Variants in PAWR observed in about 807,000 individuals in gnomAD.
PAWR encodes the protein pro-apoptotic WT1 regulator.
PAWR carries 23 observed loss-of-function variants against 32.0 expected under a neutral mutation model. The observed-to-expected ratio is 0.72, with a 90% confidence interval of 0.52 to 1.02. The LOEUF (loss-of-function observed/expected upper bound fraction) is 1.02. Ranked by LOEUF, PAWR falls within the 50% of genes least tolerant of loss-of-function variation. The probability of loss-of-function intolerance (pLI) is 0.00; values close to 1 mark genes in which losing one functional copy is unlikely to be tolerated. For synonymous variants in PAWR, 226 were observed against 187.1 expected (o/e 1.21, Z -1.70); for missense variants, 457 against 437.7 (o/e 1.04, Z -0.39).
intron 2 of PAWR, among the ~76,000 whole-genome samples, chr12:79,681,993 G>A (rs887151873): frequency 3.9e-5 from 6 of 152,116 alleles, no homozygotes; most frequent in African/African-American, 1.4e-4. Flanking sequence ...TATGTAACCT[G>A]CAAATTCTAA....
In PAWR at chr12:79,625,543, C is replaced by T. The variant is rs566768247; in HGVS notation, c.517-4336G>A. 5.9e-5 allele frequency among the ~76,000 whole-genome samples: 9 copies of T among 152,214 alleles called. No homozygotes were observed. In the South Asian group the frequency reaches 1.2e-3, roughly 21 times the overall value. On this transcript the variant is annotated intron_variant, in intron 2 of 6. Transcript: ENST00000328827. Reference sequence around the variant, plus strand: ...AAAATTTAAAAAGTAACAGAGGGGCCGGGCGTGGTGGCTCACGCCTGTAAT... The same window carrying T: ...AAAATTTAAAAAGTAACAGAGGGGCTGGGCGTGGTGGCTCACGCCTGTAAT...
At chr12:79,625,503 A>T (rs572702948) in intron 2 of PAWR, among the ~76,000 whole-genome samples, 1 of 152,322 alleles carries the variant, frequency 6.6e-6, no homozygotes, top group East Asian at 1.9e-4. Flanking sequence ...AGGAAGAATT[A>T]AAAAATTAAA....
At chr12:79,644,827 C>T (rs908690480) in intron 2 of PAWR, among the ~76,000 whole-genome samples, 1 of 152,072 alleles carries the variant, frequency 6.6e-6, no homozygotes, top group Non-Finnish European at 1.5e-5. Context: ...AACAACACAT[C>T]AAAGTGCAGT....
At chr12:79,646,551 T>G (rs1876583831) in intron 2 of PAWR, among the ~76,000 whole-genome samples, 1 of 152,168 alleles carries the variant, frequency 6.6e-6, no homozygotes, top group African/African-American at 2.4e-5. Context: ...ATTTATCAGA[T>G]TTACTGTATA....
intron 4 of PAWR, among the ~76,000 whole-genome samples, chr12:79,602,797 C>T (rs1191730961): frequency 3.6e-5 from 5 of 139,192 alleles, no homozygotes; most frequent in African/African-American, 1.4e-4. Context: ...TTTGTAGAGA[C>T]GTGTCACTAT....
intron 2 of PAWR, among the ~76,000 whole-genome samples, chr12:79,641,190 T>C (rs1199041078): frequency 6.6e-6 from 1 of 152,214 alleles, no homozygotes; most frequent in African/African-American, 2.4e-5. Flanking sequence ...AAAAACACTA[T>C]TCATTAACTC....
At chr12:79,612,671 G>A (rs1300595512) in intron 4 of PAWR, among the ~76,000 whole-genome samples, 1 of 152,090 alleles carries the variant, frequency 6.6e-6, no homozygotes, top group Non-Finnish European at 1.5e-5. Context: ...AGAATTGAAA[G>A]AACTCTATGT....
chr12:79,647,991 C>T (rs1471837525), intron 2 of PAWR, among the ~76,000 whole-genome samples: 2 of 152,098 alleles, frequency 1.3e-5, no homozygotes, highest in African/African-American at 4.8e-5. Context: ...CTCACATGCA[C>T]AGTTCACATA....
intron 4 of PAWR, among the ~76,000 whole-genome samples, chr12:79,612,763 A>G (rs745944483): frequency 6.6e-6 from 1 of 152,240 alleles, no homozygotes; most frequent in African/African-American, 2.4e-5. Flanking sequence ...ATGCTTCTGC[A>G]ACCTTTATGG....
intron 2 of PAWR, among the ~76,000 whole-genome samples, chr12:79,627,420 C>T (rs1338161939): frequency 2.0e-5 from 3 of 152,126 alleles, no homozygotes; most frequent in African/African-American, 7.2e-5. Flanking sequence ...ATCCTTCGCC[C>T]ACTTTTTGAT....
intron 2 of PAWR, among the ~76,000 whole-genome samples, chr12:79,650,537 C>T (rs958809488): frequency 3.0e-4 from 45 of 151,850 alleles, no homozygotes; most frequent in African/African-American, 1.0e-3. Context: ...TCTACTAAAC[C>T]AGGAGTTGGC....
intron 4 of PAWR, among the ~76,000 whole-genome samples, chr12:79,605,619 C>T (rs935526495): frequency 4.0e-5 from 6 of 151,660 alleles, no homozygotes; most frequent in Admixed American, 2.6e-4. Context: ...ATGTTCACAG[C>T]GTATTGCCTA....
chr12:79,653,781 A>G (rs1876968785), intron 2 of PAWR, among the ~76,000 whole-genome samples: 1 of 152,244 alleles, frequency 6.6e-6, no homozygotes, highest in Non-Finnish European at 1.5e-5. Context: ...ACCTGCCCTC[A>G]GTGCTTATTT....
chr12:79,677,167 T>C (rs1051964574), intron 2 of PAWR, among the ~76,000 whole-genome samples: 9 of 152,180 alleles, frequency 5.9e-5, no homozygotes, highest in Admixed American at 3.9e-4. Flanking sequence ...AGTAAATGTA[T>C]GCTAGCTATA....
intron 2 of PAWR, among the ~76,000 whole-genome samples, chr12:79,625,380 T>C (rs1352314826): frequency 6.6e-6 from 1 of 151,614 alleles, no homozygotes; most frequent in African/African-American, 2.4e-5. Flanking sequence ...CCAAATTTGA[T>C]GAAAATTATA....
intron 4 of PAWR, among the ~76,000 whole-genome samples, chr12:79,609,375 C>T (rs962170140): frequency 6.6e-6 from 1 of 152,084 alleles, no homozygotes; most frequent in Non-Finnish European, 1.5e-5. Flanking sequence ...GTGATAGGGA[C>T]AGGAGGCAGG....
chr12:79,626,922 T>C (rs1275641207), intron 2 of PAWR, among the ~76,000 whole-genome samples: 2 of 152,192 alleles, frequency 1.3e-5, no homozygotes, highest in Non-Finnish European at 2.9e-5. Flanking sequence ...CATGAACTCA[T>C]CATTTTTTAC....
chr12:79,633,126 AAAACAAAC>A (rs555028026), intron 2 of PAWR, among the ~76,000 whole-genome samples: 4 of 152,266 alleles, frequency 2.6e-5, no homozygotes, highest in South Asian at 2.1e-4. Flanking sequence ...CTCTGTCTCA[AAAACAAAC>A]AAACAAACAA....
intron 2 of PAWR, among the ~76,000 whole-genome samples, chr12:79,625,346 G>T (rs956526444): frequency 2.9e-4 from 44 of 152,088 alleles, no homozygotes; most frequent in African/African-American, 1.1e-3. Context: ...AAAAGCAACT[G>T]AAGAAATAAT....
Sources: allele counts gnomAD v4.1 joint callset (sites outside exome capture counted in the v4.1 genomes callset), GRCh38; gene constraint gnomAD v4.1.1; transcripts MANE v1.5; gene names NCBI Gene and HGNC (gene_info 2026-07-23, HGNC 2026-07-21).